Variants in ATP6V1D observed in about 807,000 individuals in gnomAD.
The protein encoded by ATP6V1D is ATPase H+ transporting V1 subunit D, also known as V-type proton ATPase subunit D.
ATP6V1D carries 20 observed loss-of-function variants against 39.4 expected under a neutral mutation model. The observed-to-expected ratio is 0.51, with a 90% CI of 0.36 to 0.74. ATP6V1D has a LOEUF of 0.74. Ranked by LOEUF, ATP6V1D falls within the 30% of genes least tolerant of loss-of-function variation. The pLI is 0.00. For missense variants in ATP6V1D, 228 were observed against 291.6 expected, an observed-to-expected ratio of 0.78 and a Z score of 1.59; for synonymous variants, 100 against 100.5, an observed-to-expected ratio of 0.99 and a Z score of 0.03.
At chr14:67,340,198 CAAACCT>C in intron 8 of ATP6V1D, 1 of 422,586 alleles carries the variant, frequency 2.4e-6, no homozygotes, top group Non-Finnish European at 4.3e-6. Context: ...AAAAAAAAAT[CAAACCT>C]AAACAGTTTC....
At chr14:67,355,512 G>A (rs926899511) in intron 1 of ATP6V1D, among the ~76,000 whole-genome samples, 1 of 120,232 alleles carries the variant, frequency 8.3e-6, no homozygotes, top group Non-Finnish European at 1.7e-5. Flanking sequence ...CCATGCAGTA[G>A]TACATGCTAC....
chr14:67,350,544 T>C, intron 3 of ATP6V1D, 67 bp downstream of exon 3: 1 of 1,402,048 alleles, frequency 7.1e-7, no homozygotes, highest in South Asian at 1.2e-5. Context: ...AAAAATGCTT[T>C]TTAAATGAAA....
In ATP6V1D at chr14:67,357,887, C is replaced by T. The variant is rs777148407; in HGVS notation, c.41+1771G>A. ...CAGACTGGGAGACAAAGCCCCTATC[C>T]CTCCTGATGATTACGTTTCAAAGAA... On this transcript the variant is annotated intron_variant, in intron 1 of 8. Transcript: ENST00000216442. Among the ~76,000 whole-genome samples the T allele has an allele frequency of 2.0e-5, 3 of 152,178 alleles. No individual in the cohort carries two copies. In the South Asian group the frequency reaches 6.2e-4, roughly 32 times the overall value.
At chr14:67,352,896 T>C (rs374652031) in intron 2 of ATP6V1D, 27 bp downstream of exon 2, 2 of 1,491,202 alleles carry the variant, frequency 1.3e-6, no homozygotes, top group Non-Finnish European at 9.2e-7. Context: ...CTAAAATAAA[T>C]ACTATTCTAA....
At chr14:67,339,913 A>G (rs2085566806) in intron 8 of ATP6V1D, among the ~76,000 whole-genome samples, 1 of 152,042 alleles carries the variant, frequency 6.6e-6, no homozygotes, top group Non-Finnish European at 1.5e-5. Context: ...CAGCCTGGCC[A>G]ACATGGTGAA....
At chr14:67,352,704 G>C in intron 2 of ATP6V1D, 1 of 434,506 alleles carries the variant, frequency 2.3e-6, no homozygotes, top group East Asian at 4.0e-5. Context: ...GAGGCAGGCG[G>C]GGGGCCAATC....
chr14:67,343,437 G>A lies in ATP6V1D; in HGVS notation c.458C>T (p.Thr153Ile), dbSNP rs1425545110. The change falls in exon 7 of 9, where the codon ACT (threonine) becomes ATT (isoleucine). Residue 153 changes from threonine (T) to isoleucine (I), a missense_variant and splice_region_variant. Physicochemically the swap from Thr to Ile is moderately conservative, Grantham distance 89. This residue lies in a region of ATP6V1D where 114 missense variants were observed against 128.3 expected (regional missense o/e 0.89). Coordinates refer to ENST00000216442, the MANE Select transcript of ATP6V1D (RefSeq NM_015994.4). Reference sequence around the variant, plus strand: ...AGCTTCATCCAAAGTAACAAAAGAAGTCTAAAATAAGAACAAATTAATAAT... The same window carrying A: ...AGCTTCATCCAAAGTAACAAAAGAAATCTAAAATAAGAACAAATTAATAAT... Reference protein sequence around the residue: ...ELLVELASLQTSFVTLDEAIK... With the variant: ...ELLVELASLQISFVTLDEAIK... 1.6e-5 allele frequency: 25 copies of A among 1,596,950 alleles called. No homozygotes were observed. Among genetic ancestry groups the A allele is most frequent in the African/African-American group, 2.7e-5 (2 of 74,530 alleles).
Position 67,338,621 on chromosome 14 carries a change from T to C in ATP6V1D, c.744A>G (p.Ter248=). The part of the protein sequence containing the change: ...EEKDEDLLFE[*] ...TCTCAAAGAACCAGAACAGGAAAGATTATTCAAATAGAAGATCCTCGTCCT... is the reference window on the plus strand; with the variant it reads ...TCTCAAAGAACCAGAACAGGAAAGACTATTCAAATAGAAGATCCTCGTCCT... Residue 248 remains the stop codon, a stop_retained_variant, in exon 9 of 9, where the codon TAA becomes TAG. Transcript: ENST00000216442. 6.2e-7 allele frequency: 1 copy of C among 1,613,528 alleles called. No homozygotes were observed. Among genetic ancestry groups the C allele is most frequent in the Non-Finnish European group, 8.5e-7 (1 of 1,179,740 alleles).
intron 7 of ATP6V1D, among the ~76,000 whole-genome samples, chr14:67,343,065 A>C (rs1018108628): frequency 3.0e-4 from 45 of 152,232 alleles, no homozygotes; most frequent in African/African-American, 1.1e-3. Context: ...AACACTAAGG[A>C]TCTTGAGAAA....
At chr14:67,356,384 G>A (rs1180326196) in intron 1 of ATP6V1D, among the ~76,000 whole-genome samples, 1 of 150,820 alleles carries the variant, frequency 6.6e-6, no homozygotes, top group African/African-American at 2.4e-5. Context: ...TCGGGTCACT[G>A]CACTCCAGCC....
chr14:67,358,326 A>C (rs1646161382), intron 1 of ATP6V1D, among the ~76,000 whole-genome samples: 1 of 152,202 alleles, frequency 6.6e-6, no homozygotes, highest in South Asian at 2.1e-4. Context: ...TGAAGGTAAA[A>C]AATTTAAAAA....
At chr14:67,346,398 A>G (rs775835551) in intron 5 of ATP6V1D, among the ~76,000 whole-genome samples, 15 of 152,166 alleles carry the variant, frequency 9.9e-5, no homozygotes, top group Non-Finnish European at 2.2e-4. Context: ...TGTAAGCTCC[A>G]CTTCTCAGGC....
intron 8 of ATP6V1D, 131 bp from the exon 9 acceptor site, chr14:67,338,893 AT>A (rs1357468531): frequency 1.5e-6 from 1 of 664,774 alleles, no homozygotes; most frequent in Non-Finnish European, 2.3e-6. Context: ...TATTAATTTC[AT>A]TTTCAGTAAT....
chr14:67,358,238 G>A (rs763176392), intron 1 of ATP6V1D, among the ~76,000 whole-genome samples: 1 of 152,090 alleles, frequency 6.6e-6, no homozygotes, highest in African/African-American at 2.4e-5. Context: ...TCACTACCTC[G>A]GGATAGTCCT....
At chr14:67,339,666 C>T (rs2085565025) in intron 8 of ATP6V1D, among the ~76,000 whole-genome samples, 1 of 152,198 alleles carries the variant, frequency 6.6e-6, no homozygotes. Context: ...GATTTATATA[C>T]TATTTGGTAA....
intron 3 of ATP6V1D, 122 bp from the exon 4 acceptor site, chr14:67,349,226 G>C (rs2085641670): frequency 5.2e-6 from 5 of 953,724 alleles, no homozygotes; most frequent in Non-Finnish European, 7.8e-6. Context: ...AGTATGTTTT[G>C]ATAACTGTCC....
intron 5 of ATP6V1D, among the ~76,000 whole-genome samples, chr14:67,346,430 GCCTC>G (rs2085620071): frequency 6.6e-6 from 1 of 152,112 alleles, no homozygotes; most frequent in Non-Finnish European, 1.5e-5. Flanking sequence ...TCCCACCTCG[GCCTC>G]CCGAGTAGCT....
chr14:67,352,742 T>G (rs1331929406), intron 2 of ATP6V1D, 181 bp downstream of exon 2: 5 of 531,368 alleles, frequency 9.4e-6, no homozygotes, highest in African/African-American at 5.9e-5. Context: ...GCAGGCAAGA[T>G]TAAAGAGTTT....
rs992935967 is a variant in ATP6V1D at position 67,359,706 on chromosome 14, A to G, written c.-8T>C. 8 of 1,613,798 alleles carry G rather than the reference A, an allele frequency of 5.0e-6. No individual in the cohort carries two copies. In the East Asian group the frequency reaches 1.1e-4, roughly 22 times the overall value. On this transcript the variant is annotated 5_prime_UTR_variant, in exon 1 of 9. Transcript: ENST00000216442. Reference sequence around the variant, plus strand: ...TCGGTCTTTGCCCGACATTCTGACGATAACTTTTCGGCTCGGGTCCCCGGC... The same window carrying G: ...TCGGTCTTTGCCCGACATTCTGACGGTAACTTTTCGGCTCGGGTCCCCGGC...
Sources: gnomAD v4.1 joint callset for allele counts (sites outside exome capture counted in the v4.1 genomes callset) on GRCh38, gnomAD v4.1.1 for gene constraint, gnomAD v4.1.1 regional missense constraint, MANE v1.5 for transcripts, NCBI Gene and HGNC (gene_info 2026-07-23, HGNC 2026-07-21) for gene names.